TTLL8: variants seen among roughly 807,000 people sequenced by gnomAD.
TTLL8 encodes the protein tubulin tyrosine ligase like 8.
In TTLL8, 65 loss-of-function variants were observed where a neutral mutation model predicts 77.8. The ratio of observed to expected loss-of-function variants is 0.84; its 90% CI spans 0.68 to 1.03. The LOEUF is 1.03. TTLL8 is among the 50% of genes least tolerant of loss of function. The pLI is 0.00. For missense variants in TTLL8, 910 were observed against 1,004.5 expected (o/e 0.91, Z 1.27); for synonymous variants, 402 against 422.8 (o/e 0.95, Z 0.60).
chr22:50,045,957 A>T (rs777774090), exon 5 of TTLL8: 16 of 1,356,914 alleles, frequency 1.2e-5, no homozygotes, highest in African/African-American at 5.9e-5. Context: ...CCGCATGTTC[A>T]CGCACAGCCC....
chr22:50,036,497 C>T (rs980185566), intron 8 of TTLL8, among the ~76,000 whole-genome samples: 22 of 152,136 alleles, frequency 1.4e-4, no homozygotes, highest in South Asian at 2.1e-4. Context: ...AGACCAGTTA[C>T]GGTGCTGACT....
At chr22:50,046,307 G>T (rs2061411168) in intron 4 of TTLL8, among the ~76,000 whole-genome samples, 1 of 152,194 alleles carries the variant, frequency 6.6e-6, no homozygotes, top group African/African-American at 2.4e-5. Context: ...ACGGGCCACA[G>T]GGTGTCCCAC....
chr22:50,029,582 T>TACAAAAAA, intron 12 of TTLL8, among the ~76,000 whole-genome samples: 1 of 151,458 alleles, frequency 6.6e-6, no homozygotes, highest in South Asian at 2.1e-4. Context: ...CTACTAAAAA[T>TACAAAAAA]TAGCCGGGCG....
intron 1 of TTLL8, among the ~76,000 whole-genome samples, chr22:50,053,568 G>A (rs73183351): frequency 0.1 from 15,174 of 152,198 alleles, 869 homozygotes; most frequent in South Asian, 0.2. Flanking sequence ...AAACATTTAT[G>A]TTTATAAATG....
At chr22:50,029,463 C>G (rs1010704055) in intron 12 of TTLL8, among the ~76,000 whole-genome samples, 2 of 151,984 alleles carry the variant, frequency 1.3e-5, no homozygotes, top group African/African-American at 4.8e-5. Flanking sequence ...CCCCTATTGC[C>G]GGGCGCGGTG....
At chr22:50,024,292 A>G (rs1050246839) in intron 12 of TTLL8, among the ~76,000 whole-genome samples, 1 of 151,168 alleles carries the variant, frequency 6.6e-6, no homozygotes, top group Admixed American at 6.6e-5. Context: ...GCCTGCCACC[A>G]TGCCTGGCTA....
rs2061319217 is a variant in TTLL8 at position 50,034,216 on chromosome 22, G to C, written c.1039+129C>G. ...CGCCTGAGTCCTGACCCCCACGCCT[G>C]CCTCGGCGTTCTGCTCCCTCCCTTC... is the stretch of plus-strand genomic sequence containing the variant. On this transcript the variant is annotated intron_variant, in intron 9 of 13. Transcript: ENST00000266182. This position sits in a 1 kb window ranked among gnomAD's most constrained non-coding sequence, Gnocchi z 4.1. The C allele has an allele frequency of 8.7e-7, 1 of 1,149,682 alleles. No individual in the cohort carries two copies. Among genetic ancestry groups the C allele is most frequent in the African/African-American group, 1.6e-5 (1 of 61,934 alleles). The allele number at this position is 1,149,682 out of a possible 1,614,324, so 71.2% of individuals were successfully genotyped here. A position where few individuals can be genotyped will look rare whatever the true frequency, so the allele number is the denominator to read the frequency against.
intron 2 of TTLL8, 122 bp from the exon 5 acceptor site, chr22:50,049,444 G>A (rs2061431613): frequency 1.8e-6 from 2 of 1,093,208 alleles, no homozygotes; most frequent in South Asian, 1.3e-5. Context: ...GCTCCAGATG[G>A]GGCCTTCCCC....
chr22:50,032,129 C>G lies in TTLL8; in HGVS notation c.1284-20G>C, dbSNP rs1240152720. ...ATGGCGCTGCAGGGGGGACGAGGGG[C>G]AGGTGCTCAGCCTCCCTTGGCCCAG... On this transcript the variant is annotated intron_variant, in intron 10 of 13. Transcript: ENST00000266182. The G allele has an allele frequency of 6.7e-6, 9 of 1,338,158 alleles. No homozygotes were observed. Among genetic ancestry groups the G allele is most frequent in the Non-Finnish European group, 7.0e-6 (7 of 1,006,824 alleles). 82.9% of individuals were successfully genotyped at this position (1,338,158 alleles called of 1,614,324 possible). A position where few individuals can be genotyped will look rare whatever the true frequency, so the allele number is the denominator to read the frequency against.
intron 8 of TTLL8, among the ~76,000 whole-genome samples, chr22:50,037,200 C>T (rs1472661538): frequency 7.4e-6 from 1 of 135,278 alleles, no homozygotes; most frequent in Admixed American, 7.4e-5. Context: ...TACTTGATGT[C>T]GTTTTAACTT....
At chr22:50,045,873 T>A (rs1347884458) in exon 5 of TTLL8, 1 of 1,355,166 alleles carries the variant, frequency 7.4e-7, no homozygotes, top group Non-Finnish European at 9.8e-7. Context: ...CTCCTGCTGC[T>A]CACTCTCGGT....
upstream of TTLL8, chr22:50,056,851 G>A (rs2061473335): frequency 8.5e-6 from 11 of 1,289,682 alleles, no homozygotes; most frequent in African/African-American, 4.5e-5. This position sits in a 1 kb window ranked among gnomAD's most constrained non-coding sequence, Gnocchi z 4.1. Context: ...TGGCACACAG[G>A]CAATACACGA....
chr22:50,046,801 C>T lies in TTLL8; in HGVS notation c.393+367G>A, dbSNP rs761960902. 5.9e-5 allele frequency among the ~76,000 whole-genome samples: 9 copies of T among 152,284 alleles called. No individual in the cohort carries two copies. The East Asian group carries it at 7.7e-4, about 13-fold the overall frequency. On this transcript the variant is annotated intron_variant, in intron 4 of 13. Coordinates refer to ENST00000266182, the Ensembl canonical transcript of TTLL8. Reference sequence around the variant, plus strand: ...AGCTGCTTTGTGCAGGGCTGGAGGCCGGGGGAGGCGGGGGAGTGCCCGGTG... The same window carrying T: ...AGCTGCTTTGTGCAGGGCTGGAGGCTGGGGGAGGCGGGGGAGTGCCCGGTG...
At chr22:50,019,346 G>A (rs1428525699) in intron 12 of TTLL8, among the ~76,000 whole-genome samples, 1 of 152,206 alleles carries the variant, frequency 6.6e-6, no homozygotes, top group Non-Finnish European at 1.5e-5. Context: ...GGTAGGTACT[G>A]TGGTCATCAG....
intron 12 of TTLL8, 101 bp downstream of exon 13, chr22:50,030,329 C>A: frequency 8.7e-7 from 1 of 1,142,962 alleles, no homozygotes; most frequent in Non-Finnish European, 1.1e-6. Flanking sequence ...CCGAAGCCTG[C>A]CCTGCGCCCC....
rs758766637 is a variant in TTLL8 at position 50,034,565 on chromosome 22, C to A, written c.922-103G>T. On this transcript the variant is annotated intron_variant, in intron 8 of 13. Transcript: ENST00000266182. This position sits in a 1 kb window ranked among gnomAD's most constrained non-coding sequence, Gnocchi z 4.1. ...GGAGGCCTGGGCCCCGCCTCACCCA[C>A]CAAGCAGGCGCTCGGCTCTAGGATG... 2.5e-6 allele frequency: 3 copies of A among 1,204,728 alleles called. No homozygotes were observed. Among genetic ancestry groups the A allele is most frequent in the Admixed American group, 2.4e-5 (1 of 41,346 alleles). The allele number at this position is 1,204,728 out of a possible 1,614,324, so 74.6% of individuals were successfully genotyped here.
At chr22:50,050,650 T>A (rs1434947326) in intron 1 of TTLL8, among the ~76,000 whole-genome samples, 1 of 152,100 alleles carries the variant, frequency 6.6e-6, no homozygotes, top group Admixed American at 6.5e-5. Flanking sequence ...CCAGACAACC[T>A]TGGCACCACC....
intron 8 of TTLL8, among the ~76,000 whole-genome samples, chr22:50,035,006 A>T (rs1027421836): frequency 6.6e-6 from 1 of 152,222 alleles, no homozygotes; most frequent in African/African-American, 2.4e-5. Context: ...CTTTGCAGTC[A>T]CGGGCTAGAC....
upstream of TTLL8, among the ~76,000 whole-genome samples, chr22:50,057,586 T>TG (rs538448947): frequency 5.6e-3 from 195 of 35,084 alleles, 8 homozygotes; most frequent in South Asian, 0.05. Flanking sequence ...AGGTCTGGGT[T>TG]GAGGGTCAGG....
Sources: allele counts gnomAD v4.1 joint callset (sites outside exome capture counted in the v4.1 genomes callset), GRCh38; gene constraint gnomAD v4.1.1; non-coding constraint Gnocchi (gnomAD v3.1); transcripts MANE v1.5; gene names NCBI Gene and HGNC (gene_info 2026-07-23, HGNC 2026-07-21).